Variants in ADAMTS3 observed in about 807,000 individuals in gnomAD.
The protein encoded by ADAMTS3 is ADAM metallopeptidase with thrombospondin type 1 motif 3.
ADAMTS3 carries 73 observed loss-of-function variants against 129.0 expected under a neutral mutation model. That is an observed-to-expected ratio of 0.57 (90% CI 0.47 to 0.69). The LOEUF is 0.69. Ranked by LOEUF, ADAMTS3 falls within the 30% of genes least tolerant of loss-of-function variation. The pLI, the probability that ADAMTS3 is intolerant of heterozygous loss-of-function variation, is 0.00. For synonymous variants in ADAMTS3, 477 were observed against 510.8 expected, an observed-to-expected ratio of 0.93 and a Z score of 0.89; for missense variants, 1,457 against 1,514.5, an observed-to-expected ratio of 0.96 and a Z score of 0.63.
At chr4:72,558,617 G>A (rs901408302) in intron 2 of ADAMTS3, among the ~76,000 whole-genome samples, 7 of 151,582 alleles carry the variant, frequency 4.6e-5, no homozygotes, top group Admixed American at 3.3e-4. Context: ...CATCTTTGGC[G>A]TGCCATTATT....
chr4:72,426,179 T>C (rs1282724307), intron 3 of ADAMTS3, among the ~76,000 whole-genome samples: 2 of 152,136 alleles, frequency 1.3e-5, no homozygotes, highest in East Asian at 3.9e-4. Context: ...GTTGATGGTG[T>C]TGTTTGTTTT....
intron 4 of ADAMTS3, among the ~76,000 whole-genome samples, chr4:72,376,667 T>C (rs2109873606): frequency 6.6e-6 from 1 of 152,274 alleles, no homozygotes; most frequent in South Asian, 2.1e-4. Flanking sequence ...TAGTTCTAGG[T>C]GATGATGATG....
rs779248559 is a variant in ADAMTS3, at chr4:72,283,257, G to A, written c.3497C>T (p.Ala1166Val). 4 of 1,614,034 alleles carry A rather than the reference G, an allele frequency of 2.5e-6. No individual in the cohort carries two copies. The Admixed American group carries it at 5.0e-5, about 20-fold the overall frequency. ...ATCACTGGCTGCAAAGAAGGAAGCAGCAGCCATTTGTGAAGCTGAACTGAG... is the reference window on the plus strand; with the variant it reads ...ATCACTGGCTGCAAAGAAGGAAGCAACAGCCATTTGTGAAGCTGAACTGAG... ...VHLSSASQMAAASFFAASDSI... is the reference protein window; with the variant it reads ...VHLSSASQMAVASFFAASDSI... Residue 1166 changes from alanine (A) to valine (V), a missense_variant, in exon 22 of 22, where the codon GCT (alanine) becomes GTT (valine). Ala to Val is a moderately conservative substitution (Grantham distance 64, BLOSUM62 0). Transcript: ENST00000286657.
intron 3 of ADAMTS3, among the ~76,000 whole-genome samples, chr4:72,467,215 C>A (rs1560526864): frequency 6.6e-6 from 1 of 151,998 alleles, no homozygotes; most frequent in African/African-American, 2.4e-5. Flanking sequence ...GCCAAGTCTG[C>A]AGATTCAAAA....
chr4:72,431,054 T>C (rs901980793), intron 3 of ADAMTS3, among the ~76,000 whole-genome samples: 5 of 151,826 alleles, frequency 3.3e-5, no homozygotes, highest in Admixed American at 2.6e-4. Context: ...TTAGACTTAT[T>C]AGAACAACCA....
chr4:72,541,966 T>G (rs1560559708), intron 3 of ADAMTS3, among the ~76,000 whole-genome samples: 1 of 152,240 alleles, frequency 6.6e-6, no homozygotes, highest in African/African-American at 2.4e-5. Flanking sequence ...AATTTAATCA[T>G]AGTTAAAATG....
At chr4:72,290,031 T>C (rs1347419656) in intron 20 of ADAMTS3, among the ~76,000 whole-genome samples, 2 of 152,202 alleles carry the variant, frequency 1.3e-5, no homozygotes, top group Admixed American at 6.5e-5. Flanking sequence ...TTTCCTCCTA[T>C]AAACTATTCT....
intron 3 of ADAMTS3, among the ~76,000 whole-genome samples, chr4:72,515,043 T>A (rs1324731400): frequency 6.6e-6 from 1 of 152,124 alleles, no homozygotes; most frequent in Non-Finnish European, 1.5e-5. Context: ...TGTCCATGTG[T>A]TCTCATTGTT....
At chr4:72,547,720 T>A (rs571371337) in intron 3 of ADAMTS3, among the ~76,000 whole-genome samples, 1 of 152,196 alleles carries the variant, frequency 6.6e-6, no homozygotes, top group African/African-American at 2.4e-5. Flanking sequence ...ACTAGAATAA[T>A]AAAATGAAAA....
intron 3 of ADAMTS3, among the ~76,000 whole-genome samples, chr4:72,496,358 A>G (rs1272623001): frequency 6.6e-6 from 1 of 152,196 alleles, no homozygotes; most frequent in Non-Finnish European, 1.5e-5. Context: ...ATGTTTTACC[A>G]GTGTAAAATA....
chr4:72,519,661 G>C (rs1361952873), intron 3 of ADAMTS3, among the ~76,000 whole-genome samples: 2 of 152,136 alleles, frequency 1.3e-5, no homozygotes, highest in Admixed American at 1.3e-4. Flanking sequence ...TCTTCACGTA[G>C]TTCTCAAGCC....
At chr4:72,405,291 A>G (rs573864372) in intron 4 of ADAMTS3, among the ~76,000 whole-genome samples, 1 of 152,288 alleles carries the variant, frequency 6.6e-6, no homozygotes, top group South Asian at 2.1e-4. Flanking sequence ...GAAACAACCT[A>G]AATGTTCACT....
At chr4:72,393,604 C>A (rs1721656488) in intron 4 of ADAMTS3, among the ~76,000 whole-genome samples, 1 of 152,156 alleles carries the variant, frequency 6.6e-6, no homozygotes, top group Non-Finnish European at 1.5e-5. Context: ...AATCTTGTTA[C>A]CTTCAAACGT....
intron 4 of ADAMTS3, among the ~76,000 whole-genome samples, chr4:72,406,255 C>CA (rs1388121407): frequency 2.6e-5 from 4 of 152,012 alleles, no homozygotes; most frequent in South Asian, 2.1e-4. Context: ...AGATACCATG[C>CA]AAAAAAGATA....
Position 72,548,663 on chromosome 4 carries a change from C to T in ADAMTS3, c.319G>A (p.Val107Ile), listed in dbSNP as rs753139503. 1 of 1,614,048 alleles carries T rather than the reference C, an allele frequency of 6.2e-7. No individual in the cohort carries two copies. Among genetic ancestry groups the T allele is most frequent in the Non-Finnish European group, 8.5e-7 (1 of 1,179,944 alleles). Residue 107 changes from valine (V) to isoleucine (I), a missense_variant, in exon 3 of 22, where the codon GTT becomes ATT. Val to Ile is a conservative substitution (Grantham distance 29, BLOSUM62 3). Coordinates refer to ENST00000286657, the MANE Select transcript of ADAMTS3 (RefSeq NM_014243.3). ...AGAGATGTCTCATGCCACTCCACAA[C>T]AGCCCCAGGAGCTACTAGTTGAGTG... ...PNTQLVAPGAVVEWHETSLVP... is the reference protein window; with the variant it reads ...PNTQLVAPGAIVEWHETSLVP...
rs1170847631 is a variant in ADAMTS3 at position 72,456,028 on chromosome 4, T to G, written c.505-41057A>C. On this transcript the variant is annotated intron_variant, in intron 3 of 21. Coordinates refer to ENST00000286657, the MANE Select transcript of ADAMTS3 (RefSeq NM_014243.3). ...ATATAGTATATATACTATATATATA[T>G]TTTACATATAGTATATATACTATAT... is the stretch of plus-strand genomic sequence containing the variant. Among the ~76,000 whole-genome samples, 2 of 51,366 alleles carry G rather than the reference T, an allele frequency of 3.9e-5. 1 individual carries two copies. The highest frequency in any genetic ancestry group is 1.4e-4 in the African/African-American group (2 of 14,414). The allele number at this position is 51,366 out of a possible 152,430, so 33.7% of individuals were successfully genotyped here.
At chr4:72,446,604 A>C (rs1040486971) in intron 3 of ADAMTS3, among the ~76,000 whole-genome samples, 4 of 151,722 alleles carry the variant, frequency 2.6e-5, no homozygotes, top group African/African-American at 7.2e-5. Context: ...GGGGAAGGCT[A>C]TGATGAAGTC....
chr4:72,401,210 G>C (rs1043982036), intron 4 of ADAMTS3, among the ~76,000 whole-genome samples: 3 of 151,796 alleles, frequency 2.0e-5, no homozygotes, highest in African/African-American at 4.8e-5. Flanking sequence ...AAAGCTGGGA[G>C]TAGAAACATG....
Position 72,440,838 on chromosome 4 carries a change from G to T in ADAMTS3, c.505-25867C>A, listed in dbSNP as rs80208302. Among the ~76,000 whole-genome samples the T allele has an allele frequency of 2.0e-3, 305 of 151,588 alleles. 1 individual carries two copies. Among genetic ancestry groups the T allele is most frequent in the African/African-American group, 6.9e-3 (287 of 41,408 alleles). On this transcript the variant is annotated intron_variant, in intron 3 of 21. Transcript: ENST00000286657. ...GAGTGAAATACACCTATTCAATTTG[G>T]ATTTTCACTTTTTTTATTACAAGAA...
Sources: gnomAD v4.1 joint callset for allele counts (sites outside exome capture counted in the v4.1 genomes callset) on GRCh38, gnomAD v4.1.1 for gene constraint, MANE v1.5 for transcripts, NCBI Gene and HGNC (gene_info 2026-07-23, HGNC 2026-07-21) for gene names.